The following CDH13 variants were observed in gnomAD, a reference collection of about 807,000 sequenced individuals.
CDH13 encodes the protein cadherin-13.
Under a neutral mutation model 63.8 loss-of-function variants are expected in CDH13, and 24 were observed. The observed-to-expected ratio is 0.38, with a 90% confidence interval of 0.27 to 0.53. CDH13 has a LOEUF of 0.53. Among genes scored for constraint, CDH13 ranks in the 20% least tolerant of loss-of-function variants. The probability of loss-of-function intolerance (pLI) is 0.85; values close to 1 mark genes in which losing one functional copy is unlikely to be tolerated. For synonymous variants in CDH13, 503 were observed against 355.3 expected, an observed-to-expected ratio of 1.42 and a Z score of -4.67; for missense variants, 1,049 against 903.1, an observed-to-expected ratio of 1.16 and a Z score of -2.07.
chr16:82,807,312 C>T (rs776541440), intron 1 of CDH13, among the ~76,000 whole-genome samples: 29 of 152,172 alleles, frequency 1.9e-4, no homozygotes, highest in East Asian at 1.4e-3. Flanking sequence ...GAAATTTTAT[C>T]GTTGTTTTTC....
chr16:83,372,121 G>A (rs771448978), intron 6 of CDH13, among the ~76,000 whole-genome samples: 2 of 152,106 alleles, frequency 1.3e-5, no homozygotes, highest in Non-Finnish European at 1.5e-5. Context: ...ACTGTACTAC[G>A]CCTTTCAGAT....
chr16:82,909,599 C>T lies in CDH13; in HGVS notation c.157+51126C>T, dbSNP rs576708962. Among the ~76,000 whole-genome samples the T allele has an allele frequency of 4.6e-5, 7 of 152,070 alleles. No homozygotes were observed. In the South Asian group the frequency reaches 1.2e-3, roughly 27 times the overall value. Reference sequence around the variant, plus strand: ...ATGGCGGAAGGCAAATGAGGAGCAACGTCACATCTTTTGTGGTGGCAGGCA... The same window carrying T: ...ATGGCGGAAGGCAAATGAGGAGCAATGTCACATCTTTTGTGGTGGCAGGCA... On this transcript the variant is annotated intron_variant, in intron 2 of 13. Transcript: ENST00000567109.
chr16:83,593,002 T>C (rs961030063), intron 7 of CDH13, among the ~76,000 whole-genome samples: 5 of 152,164 alleles, frequency 3.3e-5, no homozygotes, highest in Non-Finnish European at 5.9e-5. Context: ...GGACTACCTA[T>C]TCCCAGTGTT....
At chr16:83,417,622 A>T (rs1264384933) in intron 6 of CDH13, among the ~76,000 whole-genome samples, 1 of 152,204 alleles carries the variant, frequency 6.6e-6, no homozygotes, top group Non-Finnish European at 1.5e-5. Flanking sequence ...TCAGCAGGCA[A>T]GACAAATATG....
chr16:83,092,965 G>C (rs1014716773), intron 3 of CDH13, among the ~76,000 whole-genome samples: 3 of 152,176 alleles, frequency 2.0e-5, no homozygotes. Context: ...ACTTCCCCAA[G>C]TTAGTAAGGA....
At chr16:82,854,072 C>G (rs759228993) in intron 1 of CDH13, among the ~76,000 whole-genome samples, 5 of 152,076 alleles carry the variant, frequency 3.3e-5, no homozygotes, top group South Asian at 2.1e-4. Context: ...GTGGCAAGTT[C>G]AAGCATAGAT....
At chr16:83,191,282 T>C (rs901912029) in intron 4 of CDH13, among the ~76,000 whole-genome samples, 2 of 146,388 alleles carry the variant, frequency 1.4e-5, no homozygotes, top group African/African-American at 5.1e-5. Flanking sequence ...GTTAATAGTT[T>C]GTCTAGGCCA....
intron 3 of CDH13, among the ~76,000 whole-genome samples, chr16:83,035,663 C>T (rs1372917074): frequency 3.3e-5 from 5 of 152,122 alleles, no homozygotes; most frequent in East Asian, 1.9e-4. Flanking sequence ...CTTTGAAGGA[C>T]GGGTCATTGT....
intron 6 of CDH13, among the ~76,000 whole-genome samples, chr16:83,376,136 A>G (rs1004860663): frequency 6.6e-6 from 1 of 152,176 alleles, no homozygotes; most frequent in Non-Finnish European, 1.5e-5. Context: ...AAAAATGGCC[A>G]CCTGGCATTT....
chr16:83,480,280 C>T lies in CDH13; in HGVS notation c.782-6197C>T, dbSNP rs183205269. 5.2e-4 allele frequency among the ~76,000 whole-genome samples: 79 copies of T among 152,266 alleles called. 1 individual carries two copies. The highest frequency in any genetic ancestry group is 1.5e-3 in the African/African-American group (64 of 41,544). On this transcript the variant is annotated intron_variant, in intron 6 of 13. Transcript: ENST00000567109. ...GCAGTGAGCTGTGATCATACCACTG[C>T]GCTCCAACCTAGGTGACAGAGGGAG...
chr16:83,753,163 C>A (rs115412811), intron 11 of CDH13, among the ~76,000 whole-genome samples: 116 of 152,298 alleles, frequency 7.6e-4, no homozygotes, highest in African/African-American at 2.7e-3. Context: ...ATCAGAGCAA[C>A]TTTTATTTAA....
At chr16:83,272,548 A>G (rs1181299423) in intron 5 of CDH13, among the ~76,000 whole-genome samples, 1 of 152,220 alleles carries the variant, frequency 6.6e-6, no homozygotes, top group African/African-American at 2.4e-5. Context: ...AGATTTATAG[A>G]TATCCAGCGT....
chr16:83,558,013 G>T (rs1184509750), intron 7 of CDH13, among the ~76,000 whole-genome samples: 1 of 152,118 alleles, frequency 6.6e-6, no homozygotes. Context: ...ATTGAGCACT[G>T]GGAAATCAAT....
chr16:82,974,528 A>C (rs996084323), intron 2 of CDH13, among the ~76,000 whole-genome samples: 1 of 152,212 alleles, frequency 6.6e-6, no homozygotes, highest in Non-Finnish European at 1.5e-5. Flanking sequence ...TCCACATTCT[A>C]ATACCTAGAA....
intron 10 of CDH13, among the ~76,000 whole-genome samples, chr16:83,743,845 G>T (rs917981456): frequency 7.1e-6 from 1 of 140,938 alleles, no homozygotes; most frequent in African/African-American, 2.6e-5. Context: ...CACCGTCTGC[G>T]TCCAGGCACT....
chr16:83,718,050 T>G (rs780197982), intron 10 of CDH13, among the ~76,000 whole-genome samples: 7 of 152,258 alleles, frequency 4.6e-5, no homozygotes, highest in Non-Finnish European at 7.3e-5. Context: ...CTTTGGACAG[T>G]CTTACTTTGG....
At chr16:83,233,749 A>G (rs1017901389) in intron 5 of CDH13, among the ~76,000 whole-genome samples, 29 of 152,126 alleles carry the variant, frequency 1.9e-4, no homozygotes, top group African/African-American at 7.0e-4. Flanking sequence ...GCCCATCTAC[A>G]TAATCCAGGA....
At chr16:83,216,343 C>T (rs946970920) in intron 4 of CDH13, among the ~76,000 whole-genome samples, 1 of 134,556 alleles carries the variant, frequency 7.4e-6, no homozygotes. Context: ...CATTCTATCT[C>T]AGTGGTTTCA....
chr16:83,103,621 C>A (rs11150538), intron 3 of CDH13, among the ~76,000 whole-genome samples: 1 of 151,898 alleles, frequency 6.6e-6, no homozygotes, highest in African/African-American at 2.4e-5. Flanking sequence ...AGGCTCTGAG[C>A]GGAATGGCCT....
Sources: allele counts gnomAD v4.1 joint callset (sites outside exome capture counted in the v4.1 genomes callset), GRCh38; gene constraint gnomAD v4.1.1; transcripts MANE v1.5; gene names NCBI Gene and HGNC (gene_info 2026-07-23, HGNC 2026-07-21).